TSPAN7: variants seen among roughly 807,000 people sequenced by gnomAD.
TSPAN7 encodes tetraspanin 7, also known as tetraspanin-7.
In TSPAN7, 1 loss-of-function variant was observed where a neutral mutation model predicts 17.6. The observed-to-expected ratio is 0.06, with a 90% CI of 0.02 to 0.27. The LOEUF (loss-of-function observed/expected upper bound fraction) is 0.27, where lower values mean the gene tolerates loss of function less well. TSPAN7 is among the 10% of genes least tolerant of loss of function. The pLI, the probability that TSPAN7 is intolerant of heterozygous loss-of-function variation, is 1.00. For synonymous variants in TSPAN7, 78 were observed against 79.0 expected, an observed-to-expected ratio of 0.99 and a Z score of 0.07; for missense variants, 112 against 201.7, an observed-to-expected ratio of 0.56 and a Z score of 2.69.
chrX:38,561,700 G>T, intron 1 of TSPAN7, 73 bp downstream of exon 1: 1 of 963,752 alleles, frequency 1.0e-6, no homozygotes. Context: ...GAGAAAAGAA[G>T]TGGGGAGGAA....
At chrX:38,583,885 T>G (rs2069240755) in intron 1 of TSPAN7, among the ~76,000 whole-genome samples, 2 of 111,054 alleles carry the variant, frequency 1.8e-5, no homozygotes, top group Admixed American at 1.9e-4. Context: ...CAGATTTACC[T>G]TTCTAATCAA....
At chrX:38,683,012 G>A (rs935131742) in intron 6 of TSPAN7, among the ~76,000 whole-genome samples, 1 of 111,079 alleles carries the variant, frequency 9.0e-6, no homozygotes, top group Non-Finnish European at 1.9e-5. Flanking sequence ...CTGTCCCATT[G>A]GAGGAAAAAA....
intron 1 of TSPAN7, among the ~76,000 whole-genome samples, chrX:38,659,836 T>C (rs2069731902): frequency 1.1e-5 from 1 of 93,833 alleles, no homozygotes; most frequent in Non-Finnish European, 2.1e-5. Context: ...TTTTTTTTTT[T>C]TTTTTTTTGA....
Position 38,678,017 on chromosome X carries a change from G to C in TSPAN7, c.597+2157G>C, listed in dbSNP as rs143519028. On this transcript the variant is annotated intron_variant, in intron 5 of 7. Transcript: ENST00000378482. ...ACTTACTCTGATAGCACAGAAAGAT[G>C]ATTCTTGGCTCTTACCAGGAAGCTT... Among the ~76,000 whole-genome samples, 4 of 112,471 alleles carry C rather than the reference G, an allele frequency of 3.6e-5. No homozygotes were observed. The East Asian group carries it at 1.1e-3, about 31-fold the overall frequency.
rs766225936 is a variant in TSPAN7 at position 38,639,908 on chromosome X, T to G, written c.82-26213T>G. On this transcript the variant is annotated intron_variant, in intron 1 of 7. Transcript: ENST00000378482. ...ACTTATTTTCTAATTGTGATTCTAT[T>G]TACCAGAATTCTTCTAGATTTTTCT... 3.6e-5 allele frequency among the ~76,000 whole-genome samples: 4 copies of G among 111,755 alleles called. No individual in the cohort carries two copies. The Admixed American group carries it at 3.8e-4, about 11-fold the overall frequency.
chrX:38,646,334 G>T (rs1417660615), intron 1 of TSPAN7: 7 of 1,143,925 alleles, frequency 6.1e-6, no homozygotes, highest in Non-Finnish European at 8.1e-6. Flanking sequence ...TTGTTGCAGG[G>T]TTGGCTCCTA....
chrX:38,660,125 G>T (rs1032542448), intron 1 of TSPAN7, among the ~76,000 whole-genome samples: 1 of 110,784 alleles, frequency 9.0e-6, no homozygotes, highest in Non-Finnish European at 1.9e-5. Context: ...GAGTCACCAC[G>T]TCTGGCCCCA....
intron 3 of TSPAN7, among the ~76,000 whole-genome samples, chrX:38,672,504 T>A (rs1302591827): frequency 2.7e-5 from 3 of 110,318 alleles, no homozygotes; most frequent in Non-Finnish European, 5.7e-5. Flanking sequence ...GAACCCAGTT[T>A]GTATGGGTGC....
At chrX:38,640,939 T>A (rs1752205980) in intron 1 of TSPAN7, among the ~76,000 whole-genome samples, 2 of 112,374 alleles carry the variant, frequency 1.8e-5, no homozygotes, top group South Asian at 7.3e-4. Flanking sequence ...TTTAGCTATA[T>A]TTCATTTAAT....
At chrX:38,601,123 G>A (rs1478696947) in intron 1 of TSPAN7, among the ~76,000 whole-genome samples, 1 of 111,735 alleles carries the variant, frequency 8.9e-6, no homozygotes, top group Non-Finnish European at 1.9e-5. Flanking sequence ...ATACTACAAG[G>A]TAGAGTATAG....
At chrX:38,667,564 A>G (rs1462062248) in intron 2 of TSPAN7, among the ~76,000 whole-genome samples, 3 of 111,485 alleles carry the variant, frequency 2.7e-5, no homozygotes, top group Non-Finnish European at 5.7e-5. Context: ...CATCTTCCCA[A>G]CTGGCACTGG....
chrX:38,637,476 C>A (rs979898725), intron 1 of TSPAN7, among the ~76,000 whole-genome samples: 1 of 112,329 alleles, frequency 8.9e-6, no homozygotes, highest in Non-Finnish European at 1.9e-5. Context: ...AACCCCAGAT[C>A]CCTTGGGTGG....
At chrX:38,609,934 G>T (rs1197914598) in intron 1 of TSPAN7, among the ~76,000 whole-genome samples, 1 of 109,812 alleles carries the variant, frequency 9.1e-6, no homozygotes, top group East Asian at 2.9e-4. Flanking sequence ...TTTCCTCTTG[G>T]ACCTCAAAAA....
intron 1 of TSPAN7, among the ~76,000 whole-genome samples, chrX:38,627,823 G>A (rs1346915096): frequency 8.8e-6 from 1 of 113,354 alleles, no homozygotes; most frequent in Non-Finnish European, 1.9e-5. Flanking sequence ...ATGGCACAGA[G>A]TACAGACACT....
chrX:38,618,306 A>C (rs1335799328), intron 1 of TSPAN7, among the ~76,000 whole-genome samples: 2 of 112,634 alleles, frequency 1.8e-5, no homozygotes, highest in Non-Finnish European at 3.8e-5. Flanking sequence ...ATAGAACAGC[A>C]GACCTGGCTT....
intron 1 of TSPAN7, among the ~76,000 whole-genome samples, chrX:38,656,781 T>G (rs142279481): frequency 0.014 from 1,548 of 112,046 alleles, 25 homozygotes; most frequent in African/African-American, 0.048. Context: ...CTTCTTCCTT[T>G]CACATGCTCT....
chrX:38,651,721 C>T (rs779727877), intron 1 of TSPAN7, among the ~76,000 whole-genome samples: 1 of 111,331 alleles, frequency 9.0e-6, no homozygotes, highest in East Asian at 2.8e-4. Context: ...GTTGTATTTG[C>T]CCCCATAGCC....
At chrX:38,651,235 G>T (rs2069674344) in intron 1 of TSPAN7, among the ~76,000 whole-genome samples, 1 of 110,808 alleles carries the variant, frequency 9.0e-6, no homozygotes, top group African/African-American at 3.3e-5. Flanking sequence ...GGAGGCCGAG[G>T]CGGGTGGATC....
In TSPAN7 at chrX:38,612,044, A is replaced by G. The variant is rs2069421946; in HGVS notation, c.81+50417A>G. 2.7e-5 allele frequency among the ~76,000 whole-genome samples: 3 copies of G among 111,700 alleles called. No individual in the cohort carries two copies. The Admixed American group carries it at 2.8e-4, about 11-fold the overall frequency. ...AAGCACAAACCTAGCTGTGCAAGGA[A>G]AGAGAGACATTGGTTTTGTTTGATG... is the stretch of plus-strand genomic sequence containing the variant. On this transcript the variant is annotated intron_variant, in intron 1 of 7. Transcript: ENST00000378482.
Sources: allele counts gnomAD v4.1 joint callset (sites outside exome capture counted in the v4.1 genomes callset), GRCh38; gene constraint gnomAD v4.1.1; transcripts MANE v1.5; gene names NCBI Gene and HGNC (gene_info 2026-07-23, HGNC 2026-07-21).